The following CACHD1 variants were observed in gnomAD, a reference collection of about 807,000 sequenced individuals.
The protein encoded by CACHD1 is cache domain containing 1.
CACHD1 carries 71 observed loss-of-function variants against 138.7 expected under a neutral mutation model. The ratio of observed to expected loss-of-function variants is 0.51; its 90% CI spans 0.42 to 0.62. The LOEUF is 0.62. Among genes scored for constraint, CACHD1 ranks in the 20% least tolerant of loss-of-function variants. CACHD1 has a pLI of 0.00. For missense variants in CACHD1, 1,389 were observed against 1,625.3 expected (o/e 0.85, Z 2.50); for synonymous variants, 578 against 591.5 (o/e 0.98, Z 0.33).
At chr1:64,492,890 G>C (rs973421676) in intron 1 of CACHD1, among the ~76,000 whole-genome samples, 3 of 152,192 alleles carry the variant, frequency 2.0e-5, no homozygotes, top group Admixed American at 2.0e-4. Flanking sequence ...TTACACCTAA[G>C]CTTGGGTTGC....
intron 1 of CACHD1, among the ~76,000 whole-genome samples, chr1:64,471,383 G>T (rs1646143272): frequency 6.6e-6 from 1 of 152,220 alleles, no homozygotes; most frequent in Non-Finnish European, 1.5e-5. Context: ...ATTTTCCGAA[G>T]TCCCCACCCC....
intron 1 of CACHD1, among the ~76,000 whole-genome samples, chr1:64,509,570 T>C (rs1045598015): frequency 3.9e-5 from 6 of 152,244 alleles, no homozygotes; most frequent in African/African-American, 1.4e-4. Context: ...TCAGTAATTT[T>C]ATAAGTCTTT....
In CACHD1 at chr1:64,607,197, G is replaced by A. The variant is rs139067481; in HGVS notation, c.517+4285G>A. Among the ~76,000 whole-genome samples the A allele has an allele frequency of 2.1e-3, 316 of 152,284 alleles. 2 individuals are homozygous for A. Among genetic ancestry groups the A allele is most frequent in the African/African-American group, 7.1e-3 (295 of 41,554 alleles). ...TGCTTTACTGCTGAGGTGACACTGA[G>A]ATGAAGAGGAAGCTGGAAAGGGAGC... On this transcript the variant is annotated intron_variant, in intron 4 of 26. Transcript: ENST00000651257.
At chr1:64,477,288 T>C (rs963365012) in intron 1 of CACHD1, among the ~76,000 whole-genome samples, 3 of 152,210 alleles carry the variant, frequency 2.0e-5, no homozygotes, top group Non-Finnish European at 2.9e-5. Flanking sequence ...GAAATCTAAT[T>C]TGTAGACCTG....
intron 3 of CACHD1, among the ~76,000 whole-genome samples, chr1:64,591,698 A>G (rs1647107966): frequency 1.3e-5 from 2 of 152,230 alleles, no homozygotes; most frequent in Non-Finnish European, 1.5e-5. Flanking sequence ...AGAAGTAACT[A>G]GAACCTGATT....
chr1:64,609,213 A>AATTTTGCAT (rs1164268303), intron 4 of CACHD1, among the ~76,000 whole-genome samples: 2 of 152,172 alleles, frequency 1.3e-5, no homozygotes, highest in Non-Finnish European at 2.9e-5. Flanking sequence ...ATTACCTTTT[A>AATTTTGCAT]AATATGCATT....
intron 1 of CACHD1, among the ~76,000 whole-genome samples, chr1:64,548,950 A>G (rs1646738235): frequency 6.6e-6 from 1 of 152,220 alleles, no homozygotes; most frequent in African/African-American, 2.4e-5. Context: ...CTTATAAGAC[A>G]ATAGAGTTAG....
chr1:64,494,333 T>C (rs781322991), intron 1 of CACHD1, among the ~76,000 whole-genome samples: 1 of 152,212 alleles, frequency 6.6e-6, no homozygotes, highest in African/African-American at 2.4e-5. Flanking sequence ...TTTTCTCATC[T>C]TTTCTAACTA....
intron 1 of CACHD1, among the ~76,000 whole-genome samples, chr1:64,534,915 C>G (rs1475516429): frequency 6.6e-6 from 1 of 152,228 alleles, no homozygotes; most frequent in Non-Finnish European, 1.5e-5. Context: ...ATTGCAGTTT[C>G]ACTCTGCTGC....
chr1:64,509,688 A>G (rs988045958), intron 1 of CACHD1, among the ~76,000 whole-genome samples: 1 of 152,220 alleles, frequency 6.6e-6, no homozygotes, highest in Non-Finnish European at 1.5e-5. Context: ...ATATAAATGC[A>G]AAATTAAGAC....
At chr1:64,583,229 A>C (rs1315234067) in intron 3 of CACHD1, among the ~76,000 whole-genome samples, 2 of 152,142 alleles carry the variant, frequency 1.3e-5, no homozygotes, top group Non-Finnish European at 2.9e-5. Context: ...GGCATCCTCA[A>C]GTCATTTTAT....
intron 4 of CACHD1, 33 bp from the exon 5 acceptor site, chr1:64,629,321 TG>T (rs774438951): frequency 6.2e-7 from 1 of 1,610,362 alleles, no homozygotes; most frequent in Non-Finnish European, 8.5e-7. Flanking sequence ...CCTGTGGATT[TG>T]GTGGTTATAT....
chr1:64,667,659 A>C (rs1649679511), intron 16 of CACHD1, among the ~76,000 whole-genome samples: 1 of 152,214 alleles, frequency 6.6e-6, no homozygotes, highest in Non-Finnish European at 1.5e-5. Context: ...AAAGTAAACA[A>C]AGACTGTTTC....
At chr1:64,524,002 A>G (rs1332632084) in intron 1 of CACHD1, among the ~76,000 whole-genome samples, 2 of 150,598 alleles carry the variant, frequency 1.3e-5, no homozygotes, top group Non-Finnish European at 2.9e-5. Context: ...AAGCTTTCAG[A>G]ACAATGTTAA....
chr1:64,504,116 C>A (rs1001367508), intron 1 of CACHD1, among the ~76,000 whole-genome samples: 5 of 152,174 alleles, frequency 3.3e-5, no homozygotes, highest in Admixed American at 1.3e-4. Context: ...GTAACCCCCA[C>A]CTCCTGGGCT....
chr1:64,593,891 CAT>C (rs1389617786), intron 3 of CACHD1, among the ~76,000 whole-genome samples: 1 of 152,194 alleles, frequency 6.6e-6, no homozygotes, highest in Admixed American at 6.5e-5. Context: ...TTACATTCTT[CAT>C]ATGTTTCTCT....
intron 1 of CACHD1, among the ~76,000 whole-genome samples, chr1:64,489,212 A>G (rs937337394): frequency 6.6e-6 from 1 of 152,136 alleles, no homozygotes; most frequent in Non-Finnish European, 1.5e-5. Context: ...TGTGTTTTCT[A>G]TAAACCTTCA....
At chr1:64,607,453 T>C (rs746438577) in intron 4 of CACHD1, among the ~76,000 whole-genome samples, 7 of 152,164 alleles carry the variant, frequency 4.6e-5, no homozygotes, top group Non-Finnish European at 1.0e-4. Flanking sequence ...GGGTTCAAGC[T>C]CTGGAGAACG....
intron 3 of CACHD1, among the ~76,000 whole-genome samples, chr1:64,601,318 G>A (rs899359507): frequency 1.6e-4 from 24 of 152,134 alleles, no homozygotes; most frequent in African/African-American, 5.8e-4. Flanking sequence ...TAGTGATAGT[G>A]CCTTGCCAGC....
Sources: gnomAD v4.1 joint callset for allele counts (sites outside exome capture counted in the v4.1 genomes callset) on GRCh38, gnomAD v4.1.1 for gene constraint, MANE v1.5 for transcripts, NCBI Gene and HGNC (gene_info 2026-07-23, HGNC 2026-07-21) for gene names.